Variants in ZFR2 observed in about 807,000 individuals in gnomAD.
ZFR2 encodes the protein zinc finger RNA binding protein 2.
A neutral mutation model predicts 105.7 loss-of-function variants in ZFR2; 104 were observed. That is an observed-to-expected ratio of 0.98 (90% CI 0.84 to 1.16). The LOEUF (loss-of-function observed/expected upper bound fraction) is 1.16, where lower values mean the gene tolerates loss of function less well. Among genes scored for constraint, ZFR2 ranks in the 50% most tolerant of loss-of-function variants. The pLI is 0.00. For missense variants in ZFR2, 1,425 were observed against 1,355.5 expected, an observed-to-expected ratio of 1.05 and a Z score of -0.80; for synonymous variants, 634 against 597.7, an observed-to-expected ratio of 1.06 and a Z score of -0.89.
intron 10 of ZFR2, among the ~76,000 whole-genome samples, chr19:3,820,917 G>C (rs1409850094): frequency 4.8e-5 from 5 of 104,034 alleles, no homozygotes; most frequent in Non-Finnish European, 1.1e-4. Context: ...GGGGACACAG[G>C]GACACCGGGG....
intron 18 of ZFR2, 105 bp from the exon 19 acceptor site, chr19:3,806,230 C>CT: frequency 7.9e-7 from 1 of 1,270,210 alleles, no homozygotes. Flanking sequence ...TGGGCCAGGC[C>CT]TATCCTGTAT....
intron 1 of ZFR2, among the ~76,000 whole-genome samples, chr19:3,863,879 C>T (rs1004701000): frequency 2.0e-5 from 3 of 152,146 alleles, no homozygotes; most frequent in Non-Finnish European, 2.9e-5. Context: ...GCCTCACTTT[C>T]CTCATCAGCA....
At chr19:3,807,009 G>A (rs2037703951) in intron 18 of ZFR2, among the ~76,000 whole-genome samples, 163 bp downstream of exon 18, 1 of 152,168 alleles carries the variant, frequency 6.6e-6, no homozygotes, top group Admixed American at 6.5e-5. Flanking sequence ...GGCTGGCCCT[G>A]TCCCTGTGCG....
chr19:3,825,100 C>T, intron 7 of ZFR2, 130 bp downstream of exon 7: 1 of 1,130,990 alleles, frequency 8.8e-7, no homozygotes, highest in South Asian at 2.0e-5. Flanking sequence ...AGAGACGGCA[C>T]CAGCCAGCCC....
intron 1 of ZFR2, among the ~76,000 whole-genome samples, chr19:3,853,979 G>A (rs1440485288): frequency 6.6e-6 from 1 of 152,088 alleles, no homozygotes; most frequent in African/African-American, 2.4e-5. Flanking sequence ...AGCTACTTGG[G>A]AGGCAGAGGT....
chr19:3,807,464 G>A (rs2037709879), intron 17 of ZFR2, among the ~76,000 whole-genome samples, 195 bp from the exon 18 acceptor site: 1 of 152,242 alleles, frequency 6.6e-6, no homozygotes, highest in South Asian at 2.1e-4. Context: ...GAGTCCTCCT[G>A]GCCCCTCAAA....
At chr19:3,835,439 C>T (rs2038069160) in intron 1 of ZFR2, among the ~76,000 whole-genome samples, 2 of 151,848 alleles carry the variant, frequency 1.3e-5, no homozygotes, top group African/African-American at 4.8e-5. Flanking sequence ...AATTCTCCTG[C>T]CTCAGCCTCC....
At chr19:3,852,689 C>T in intron 1 of ZFR2, 1 of 666,728 alleles carries the variant, frequency 1.5e-6, no homozygotes. Context: ...ATTTTGGCAA[C>T]AATCTGCCAC....
chr19:3,859,359 G>A (rs574483700), intron 1 of ZFR2, among the ~76,000 whole-genome samples: 3 of 152,296 alleles, frequency 2.0e-5, no homozygotes, highest in African/African-American at 7.2e-5. Context: ...TTGGGGACTC[G>A]GACTGATCCA....
intron 12 of ZFR2, among the ~76,000 whole-genome samples, chr19:3,818,067 G>A (rs1431157504): frequency 6.6e-6 from 1 of 152,278 alleles, no homozygotes; most frequent in African/African-American, 2.4e-5. Flanking sequence ...AGACAGCTGT[G>A]GAGATGGACA....
At chr19:3,812,506 G>C (rs2037776392) in intron 14 of ZFR2, among the ~76,000 whole-genome samples, 1 of 152,032 alleles carries the variant, frequency 6.6e-6, no homozygotes, top group Non-Finnish European at 1.5e-5. Context: ...TTCTGTCACT[G>C]ATCTGTCCTC....
At chr19:3,841,333 T>C (rs943086882) in intron 1 of ZFR2, among the ~76,000 whole-genome samples, 1 of 152,214 alleles carries the variant, frequency 6.6e-6, no homozygotes, top group Admixed American at 6.5e-5. Flanking sequence ...GTCTGATTTG[T>C]GGTCTCAGAT....
chr19:3,860,016 C>G (rs1054274794), intron 1 of ZFR2, among the ~76,000 whole-genome samples: 1 of 152,038 alleles, frequency 6.6e-6, no homozygotes, highest in East Asian at 1.9e-4. Context: ...ACTCAATCCT[C>G]GGGAAGATAC....
Position 3,822,137 on chromosome 19 carries a change from C to G in ZFR2, c.1435G>C (p.Asp479His), listed in dbSNP as rs367934120. The G allele has an allele frequency of 4.9e-5, 79 of 1,610,256 alleles. No individual in the cohort carries two copies. Among genetic ancestry groups the G allele is most frequent in the Non-Finnish European group, 6.4e-5 (75 of 1,178,676 alleles). The change falls in exon 9 of 19, where the codon GAC becomes CAC. Residue 479 changes from aspartate to histidine, a missense_variant. Coordinates refer to ENST00000262961, the MANE Select transcript of ZFR2 (RefSeq NM_015174.2). ...HCKLCECSFN[D>H]LNAKDLHVRG... The stretch of plus-strand genomic sequence containing the variant: ...ACGTGCAGGTCCTTCGCGTTAAGGT[C>G]GTTGAAACTGCACTCGCACAGCTTG...
intron 12 of ZFR2, among the ~76,000 whole-genome samples, chr19:3,818,008 A>C (rs1296698015): frequency 6.6e-6 from 1 of 152,248 alleles, no homozygotes; most frequent in Non-Finnish European, 1.5e-5. Flanking sequence ...TGCACGAAAC[A>C]AAAAGAGGAG....
chr19:3,822,044 C>G, intron 9 of ZFR2, 37 bp downstream of exon 9: 1 of 1,561,846 alleles, frequency 6.4e-7, no homozygotes, highest in Non-Finnish European at 8.7e-7. Flanking sequence ...CCTAGCACAG[C>G]CCGGACGGGT....
At chr19:3,818,733 A>G (rs145685704) in intron 12 of ZFR2, among the ~76,000 whole-genome samples, 2 of 152,324 alleles carry the variant, frequency 1.3e-5, no homozygotes, top group East Asian at 1.9e-4. Context: ...CCTTTTGCCA[A>G]TGAGGAAACT....
At position 3,821,478 on chromosome 19, in the gene ZFR2, T is replaced by A. The variant is rs2037892388; in HGVS notation, c.1493A>T (p.Lys498Met). 1.3e-6 allele frequency: 2 copies of A among 1,599,824 alleles called. No homozygotes were observed. Among genetic ancestry groups the A allele is most frequent in the Non-Finnish European group, 8.5e-7 (1 of 1,170,930 alleles). Residue 498 changes from lysine to methionine, a missense_variant and splice_region_variant, in exon 10 of 19, where the codon AAG becomes ATG. Lys to Met is a moderately conservative substitution (Grantham distance 95). Coordinates refer to ENST00000262961, the MANE Select transcript of ZFR2 (RefSeq NM_015174.2). ...AATGGGAAGGTCCGGGTTCACTTTCTTCTGGAAAGGACAGGCAAGGCTCTG... is the reference window on the plus strand; with the variant it reads ...AATGGGAAGGTCCGGGTTCACTTTCATCTGGAAAGGACAGGCAAGGCTCTG... ...RGRRHRLQYR[K>M]KVNPDLPIAT...
chr19:3,816,728 C>G lies in ZFR2; in HGVS notation c.2049G>C (p.Lys683Asn). ...TCCTCCGCAGCAGGCTGTGCGTGGG[C>G]TTCTCGGAGCAGAGCAGAGCGAGGC... is the stretch of plus-strand genomic sequence containing the variant. ...NVRLALLCSE[K>N]PTHSLLRRIA... Residue 683 changes from lysine to asparagine, a missense_variant, in exon 13 of 19, where the codon AAG (lysine) becomes AAC (asparagine). Physicochemically the swap from Lys to Asn is moderately conservative, Grantham distance 94. Transcript: ENST00000262961. 2 of 1,612,580 alleles carry G rather than the reference C, an allele frequency of 1.2e-6. No individual in the cohort carries two copies. Among genetic ancestry groups the G allele is most frequent in the Non-Finnish European group, 1.7e-6 (2 of 1,179,694 alleles).
Sources: gnomAD v4.1 joint callset for allele counts (sites outside exome capture counted in the v4.1 genomes callset) on GRCh38, gnomAD v4.1.1 for gene constraint, MANE v1.5 for transcripts, NCBI Gene and HGNC (gene_info 2026-07-23, HGNC 2026-07-21) for gene names.